The following VGLL4 variants were observed in gnomAD, a reference collection of about 807,000 sequenced individuals.
VGLL4 encodes vestigial like family member 4.
VGLL4 carries 7 observed loss-of-function variants against 21.0 expected under a neutral mutation model. The ratio of observed to expected loss-of-function variants is 0.33; its 90% CI spans 0.19 to 0.63. The LOEUF (loss-of-function observed/expected upper bound fraction) is 0.63, where lower values mean the gene tolerates loss of function less well. Ranked by LOEUF, VGLL4 falls within the 20% of genes least tolerant of loss-of-function variation. VGLL4 has a pLI of 0.78. For synonymous variants in VGLL4, 222 were observed against 173.2 expected (o/e 1.28, Z -2.21); for missense variants, 394 against 425.7 (o/e 0.93, Z 0.66).
intron 2 of VGLL4, among the ~76,000 whole-genome samples, chr3:11,574,835 G>GTA (rs1559872108): frequency 7.0e-6 from 1 of 142,712 alleles, no homozygotes; most frequent in African/African-American, 2.6e-5. Context: ...GTGTGTGTGT[G>GTA]TGTATTTTAA....
chr3:11,703,580 T>G (rs1487686298), intron 1 of VGLL4, among the ~76,000 whole-genome samples: 1 of 152,240 alleles, frequency 6.6e-6, no homozygotes, highest in Non-Finnish European at 1.5e-5. Context: ...AATCACCACC[T>G]ATCATCAATT....
At chr3:11,607,336 C>G (rs2074967837) in intron 1 of VGLL4, 1 of 152,096 alleles carries the variant, frequency 6.6e-6, no homozygotes, top group Non-Finnish European at 1.5e-5. Flanking sequence ...ACACAAAAGG[C>G]CACCTACTGT....
At chr3:11,567,276 G>A (rs974217023) in intron 2 of VGLL4, among the ~76,000 whole-genome samples, 1 of 152,162 alleles carries the variant, frequency 6.6e-6, no homozygotes, top group East Asian at 1.9e-4. Flanking sequence ...TCAGAGCGGC[G>A]CAGTGCAGCC....
intron 1 of VGLL4, among the ~76,000 whole-genome samples, chr3:11,716,688 T>C (rs1054771600): frequency 6.6e-6 from 1 of 152,242 alleles, no homozygotes; most frequent in Non-Finnish European, 1.5e-5. Flanking sequence ...CAAGAAGGTA[T>C]AATTGTTCTG....
chr3:11,589,690 C>T (rs1575422685), intron 2 of VGLL4, among the ~76,000 whole-genome samples: 1 of 152,208 alleles, frequency 6.6e-6, no homozygotes, highest in East Asian at 1.9e-4. Flanking sequence ...GTCCTGAAGG[C>T]TGGCAGTCTG....
At chr3:11,622,941 G>C (rs1238778832) in intron 1 of VGLL4, among the ~76,000 whole-genome samples, 1 of 152,196 alleles carries the variant, frequency 6.6e-6, no homozygotes, top group African/African-American at 2.4e-5. Context: ...TCCTTGGGCT[G>C]TTCCAGCTTG....
rs1358587113 is a variant in VGLL4, at chr3:11,573,038, C to T, written c.273-8019G>A. 5.3e-5 allele frequency among the ~76,000 whole-genome samples: 8 copies of T among 151,490 alleles called. No individual in the cohort carries two copies. In the East Asian group the frequency reaches 5.8e-4, roughly 11 times the overall value. On this transcript the variant is annotated intron_variant, in intron 2 of 4. Coordinates refer to ENST00000430365, the MANE Select transcript of VGLL4 (RefSeq NM_001128219.3). ...AAAATTAGCTGGGCTTGGTGGTGGGCGCCTGTAATCCCAGCTACTCCAGAG... is the reference window on the plus strand; with the variant it reads ...AAAATTAGCTGGGCTTGGTGGTGGGTGCCTGTAATCCCAGCTACTCCAGAG...
In VGLL4 at chr3:11,559,398, G is replaced by A; in HGVS notation, c.553C>T (p.His185Tyr). 3.8e-6 allele frequency: 6 copies of A among 1,561,406 alleles called. No individual in the cohort carries two copies. The highest frequency in any genetic ancestry group is 1.9e-5 in the Admixed American group (1 of 52,060). The change falls in exon 4 of 5, where the codon CAC becomes TAC. Residue 185 changes from histidine to tyrosine, a missense_variant. Physicochemically the swap from His to Tyr is moderately conservative, Grantham distance 83. Coordinates refer to ENST00000430365, the MANE Select transcript of VGLL4 (RefSeq NM_001128219.3). ...SAGARNCNLS[H>Y]CPIAHSGCAA... ...CAGCCGCTGTGCGCGATGGGGCAGT[G>A]CGAGAGGTTGCAGTTGCGGGCGCCA...
At chr3:11,598,533 T>C (rs1455920243) in intron 2 of VGLL4, among the ~76,000 whole-genome samples, 1 of 152,122 alleles carries the variant, frequency 6.6e-6, no homozygotes, top group Non-Finnish European at 1.5e-5. Flanking sequence ...TTTTGTACCC[T>C]GGCTGGAGTG....
intron 2 of VGLL4, among the ~76,000 whole-genome samples, chr3:11,601,609 C>T (rs1403809067): frequency 6.6e-6 from 1 of 152,200 alleles, no homozygotes; most frequent in Admixed American, 6.5e-5. Flanking sequence ...GCGGAAGGTC[C>T]TACAAGTAGG....
chr3:11,718,904 G>C (rs1268467513), intron 1 of VGLL4, among the ~76,000 whole-genome samples: 2 of 152,196 alleles, frequency 1.3e-5, no homozygotes, highest in Non-Finnish European at 2.9e-5. Context: ...AACTTAAACA[G>C]ACGAACACAT....
Position 11,578,597 on chromosome 3 carries a change from CA to C in VGLL4, c.273-13579del, listed in dbSNP as rs796205544. Among the ~76,000 whole-genome samples the C allele has an allele frequency of 6.2e-3, 739 of 119,320 alleles. 2 individuals carry two copies. The highest frequency in any genetic ancestry group is 0.015 in the Middle Eastern group (3 of 202). 78.3% of individuals were successfully genotyped at this position (119,320 alleles called of 152,430 possible). On this transcript the variant is annotated intron_variant, in intron 2 of 4. Coordinates refer to ENST00000430365, the MANE Select transcript of VGLL4 (RefSeq NM_001128219.3). ...ACCCTGACTGAACTCAGAAACTCTG[CA>C]AAAAAAAAAAAAGTAATAATAATAA...
Position 11,601,827 on chromosome 3 carries a change from A to G in VGLL4, c.272+6T>C, listed in dbSNP as rs773857485. 3.1e-6 allele frequency: 5 copies of G among 1,613,366 alleles called. No homozygotes were observed. The Admixed American group carries it at 5.0e-5, about 16-fold the overall frequency. On this transcript the variant is annotated splice_donor_region_variant and intron_variant, in intron 2 of 4. Transcript: ENST00000430365. ...CTTAAGCCAAAATAAGAACAGAGGAACTCACAGATGGGGGTTGAAGATGCG... is the reference window on the plus strand; with the variant it reads ...CTTAAGCCAAAATAAGAACAGAGGAGCTCACAGATGGGGGTTGAAGATGCG...
At chr3:11,678,010 C>T (rs1436877870) in intron 2 of VGLL4, among the ~76,000 whole-genome samples, 1 of 152,076 alleles carries the variant, frequency 6.6e-6, no homozygotes, top group African/African-American at 2.4e-5. Flanking sequence ...CAACGGACGC[C>T]ATCATTCTCA....
At chr3:11,690,013 C>T (rs1161753050) in intron 2 of VGLL4, among the ~76,000 whole-genome samples, 2 of 152,162 alleles carry the variant, frequency 1.3e-5, no homozygotes, top group Admixed American at 1.3e-4. Flanking sequence ...GCCCCAACAC[C>T]CCCTCAAGGA....
intron 1 of VGLL4, among the ~76,000 whole-genome samples, chr3:11,605,097 GC>G (rs1278658995): frequency 4.3e-5 from 1 of 23,246 alleles, no homozygotes; most frequent in Non-Finnish European, 7.6e-5. Flanking sequence ...CTTCCAAAGC[GC>G]CCCCACGCCC....
chr3:11,608,976 G>A (rs532317336), intron 1 of VGLL4, among the ~76,000 whole-genome samples: 57 of 152,100 alleles, frequency 3.7e-4, no homozygotes, highest in African/African-American at 1.2e-3. Context: ...ATTCTCCTGC[G>A]TCAGCCTCCC....
At chr3:11,660,893 T>C (rs936117210) in intron 2 of VGLL4, among the ~76,000 whole-genome samples, 1 of 152,196 alleles carries the variant, frequency 6.6e-6, no homozygotes, top group Non-Finnish European at 1.5e-5. Flanking sequence ...TTATGTTAAC[T>C]GAACTTTCAT....
intron 1 of VGLL4, among the ~76,000 whole-genome samples, chr3:11,707,447 G>A (rs2076778639): frequency 6.6e-6 from 1 of 151,740 alleles, no homozygotes; most frequent in African/African-American, 2.4e-5. Flanking sequence ...TAGGAAGCAG[G>A]TGCAAGATAA....
Sources: allele counts gnomAD v4.1 joint callset (sites outside exome capture counted in the v4.1 genomes callset), GRCh38; gene constraint gnomAD v4.1.1; transcripts MANE v1.5; gene names NCBI Gene and HGNC (gene_info 2026-07-23, HGNC 2026-07-21).